P2RY8: variants seen among roughly 807,000 people sequenced by gnomAD.
The protein encoded by P2RY8 is P2Y receptor family member 8.
In P2RY8, 6 loss-of-function variants were observed where a neutral mutation model predicts 10.0. The ratio of observed to expected loss-of-function variants is 0.60; its 90% CI spans 0.33 to 1.19. P2RY8 has a LOEUF of 1.19. Ranked by LOEUF, P2RY8 falls within the 50% of genes most tolerant of loss-of-function variation. P2RY8 has a pLI of 0.04. For missense variants in P2RY8, 456 were observed against 542.0 expected, an observed-to-expected ratio of 0.84 and a Z score of 1.58; for synonymous variants, 276 against 252.5, an observed-to-expected ratio of 1.09 and a Z score of -0.88.
intron 1 of P2RY8, among the ~76,000 whole-genome samples, chrX:1,503,200 T>C (rs2092196346): frequency 6.6e-6 from 1 of 152,190 alleles, no homozygotes; most frequent in African/African-American, 2.4e-5. Context: ...CCCCAGGAGC[T>C]GGGAGAGACA....
At chrX:1,503,218 C>G (rs1461091283) in intron 1 of P2RY8, among the ~76,000 whole-genome samples, 2 of 152,144 alleles carry the variant, frequency 1.3e-5, no homozygotes, top group Admixed American at 1.3e-4. Context: ...ACAGGAAGGA[C>G]CCTCCCCTAG....
intron 1 of P2RY8, among the ~76,000 whole-genome samples, chrX:1,504,595 T>C (rs2092212653): frequency 6.6e-6 from 1 of 152,238 alleles, no homozygotes; most frequent in South Asian, 2.1e-4. Flanking sequence ...CTCATGCCTG[T>C]CATCCCAGCA....
At chrX:1,497,385 C>T (rs1285577459) in intron 1 of P2RY8, among the ~76,000 whole-genome samples, 10 of 146,792 alleles carry the variant, frequency 6.8e-5, no homozygotes, top group African/African-American at 2.3e-4. Flanking sequence ...AGGCCGGGCA[C>T]GGTGGCTCAC....
At chrX:1,515,535 C>G (rs1425566227) in intron 1 of P2RY8, among the ~76,000 whole-genome samples, 4 of 151,156 alleles carry the variant, frequency 2.6e-5, no homozygotes, top group African/African-American at 9.7e-5. Context: ...TCACACCCGG[C>G]TAATTTTGTA....
chrX:1,475,247 GTGGATGGATGGGTGGA>G (rs1410841922), intron 1 of P2RY8, among the ~76,000 whole-genome samples: 1 of 149,780 alleles, frequency 6.7e-6, no homozygotes, highest in Non-Finnish European at 1.5e-5. Context: ...GGATGGGTAG[GTGGATGGATGGGTGGA>G]TGGATGGATG....
intron 1 of P2RY8, among the ~76,000 whole-genome samples, chrX:1,534,720 T>C (rs1448903299): frequency 6.6e-6 from 1 of 152,142 alleles, no homozygotes; most frequent in East Asian, 1.9e-4. Context: ...GGGGGCCATC[T>C]GCCCGGGGAA....
Position 1,466,502 on chromosome X carries a change from G to T in P2RY8, c.57C>A (p.Asn19Lys). The T allele has an allele frequency of 6.2e-7, 1 of 1,611,064 alleles. No homozygotes were observed. Among genetic ancestry groups the T allele is most frequent in the Non-Finnish European group, 8.5e-7 (1 of 1,179,696 alleles). Residue 19 changes from asparagine to lysine, a missense_variant, in exon 2 of 2, where the codon AAC becomes AAA. Transcript: ENST00000381297. ...CGGGCAGGGCCACCGCGATCGCCGGGTTCCGCAGCATCTGCAGCGTCGCGT... is the reference window on the plus strand; with the variant it reads ...CGGGCAGGGCCACCGCGATCGCCGGTTTCCGCAGCATCTGCAGCGTCGCGT... The part of the protein sequence containing the change: ...PDNATLQMLR[N>K]PAIAVALPVV...
chrX:1,492,174 G>T (rs1442947232), intron 1 of P2RY8, among the ~76,000 whole-genome samples: 1 of 152,044 alleles, frequency 6.6e-6, no homozygotes, highest in East Asian at 1.9e-4. Context: ...AGGATAGGGG[G>T]GTGTGGTCCA....
At chrX:1,522,328 G>C (rs1302420571) in intron 1 of P2RY8, among the ~76,000 whole-genome samples, 4 of 152,030 alleles carry the variant, frequency 2.6e-5, no homozygotes, top group Non-Finnish European at 5.9e-5. Flanking sequence ...GAATACCTCA[G>C]GGGGATTTAT....
At chrX:1,536,616 C>G (rs1409006467) in intron 1 of P2RY8, among the ~76,000 whole-genome samples, 5 of 152,114 alleles carry the variant, frequency 3.3e-5, no homozygotes, top group Admixed American at 6.6e-5. Flanking sequence ...AGGATGGTCT[C>G]GAACTCCTGA....
At chrX:1,503,701 C>G (rs183494090) in intron 1 of P2RY8, among the ~76,000 whole-genome samples, 35 of 151,822 alleles carry the variant, frequency 2.3e-4, no homozygotes, top group Non-Finnish European at 4.6e-4. Flanking sequence ...TCGAGAACAG[C>G]CTGGCCAATG....
intron 1 of P2RY8, among the ~76,000 whole-genome samples, chrX:1,497,810 C>T (rs1231502537): frequency 3.3e-5 from 5 of 151,828 alleles, no homozygotes; most frequent in Admixed American, 6.6e-5. Flanking sequence ...TGCAGTGGGG[C>T]GGCGAGGGGC....
At chrX:1,489,982 C>G (rs1191998713) in intron 1 of P2RY8, among the ~76,000 whole-genome samples, 1 of 4,428 alleles carries the variant, frequency 2.3e-4, no homozygotes, top group Middle Eastern at 0.028. Context: ...CCCAGATTCA[C>G]TTCTGCAAAT....
At chrX:1,519,892 A>C (rs1220796877) in intron 1 of P2RY8, among the ~76,000 whole-genome samples, 1 of 151,276 alleles carries the variant, frequency 6.6e-6, no homozygotes, top group African/African-American at 2.4e-5. Flanking sequence ...TCTGGTCCCC[A>C]AAAATCTCCC....
intron 1 of P2RY8, among the ~76,000 whole-genome samples, chrX:1,471,762 G>A (rs1463471159): frequency 6.6e-6 from 1 of 152,072 alleles, no homozygotes; most frequent in African/African-American, 2.4e-5. Flanking sequence ...TAGACAAAAG[G>A]CATCTCCTCG....
At chrX:1,529,872 C>T (rs1295904996) in intron 1 of P2RY8, among the ~76,000 whole-genome samples, 2 of 151,838 alleles carry the variant, frequency 1.3e-5, no homozygotes, top group Non-Finnish European at 2.9e-5. Context: ...CATCACGGCA[C>T]ACTGGGTAAT....
intron 1 of P2RY8, among the ~76,000 whole-genome samples, chrX:1,474,971 T>C (rs1366709573): frequency 6.9e-6 from 1 of 145,064 alleles, no homozygotes; most frequent in African/African-American, 2.6e-5. Context: ...GATGGATGGG[T>C]GGACAGATGG....
chrX:1,492,284 A>C (rs1471869064), intron 1 of P2RY8, among the ~76,000 whole-genome samples: 1 of 152,106 alleles, frequency 6.6e-6, no homozygotes, highest in Non-Finnish European at 1.5e-5. Context: ...GGCCACCCTC[A>C]CCCTGTTCAT....
chrX:1,471,090 C>G (rs1198106653), intron 1 of P2RY8, among the ~76,000 whole-genome samples: 2 of 150,788 alleles, frequency 1.3e-5, no homozygotes, highest in Non-Finnish European at 3.0e-5. Context: ...TCTCGGCAAC[C>G]TCCGCTTCCC....
Sources: allele counts gnomAD v4.1 joint callset (sites outside exome capture counted in the v4.1 genomes callset), GRCh38; gene constraint gnomAD v4.1.1; transcripts MANE v1.5; gene names NCBI Gene and HGNC (gene_info 2026-07-23, HGNC 2026-07-21).